Variants in ADAM20 observed in about 807,000 individuals in gnomAD.
The protein encoded by ADAM20 is disintegrin and metalloproteinase domain-containing protein 20.
For missense variants in ADAM20, 871 were observed against 883.2 expected (o/e 0.99, Z 0.18); for synonymous variants, 305 against 310.2 (o/e 0.98, Z 0.18).
chr14:70,578,417 C>T, the ADAM20 span, among the ~76,000 whole-genome samples: 5 of 152,192 alleles, frequency 3.3e-5, no homozygotes, highest in South Asian at 8.3e-4. Context: ...GAAAACTCTT[C>T]TGGACATTGG....
Position 70,530,183 on chromosome 14 carries a change from T to C in ADAM20, c.-177+4614A>G, listed in dbSNP as rs189646049. On this transcript the variant is annotated intron_variant, in intron 1 of 1. Coordinates refer to ENST00000256389, the MANE Select transcript of ADAM20 (RefSeq NM_003814.5). ...TTTCTATTTTTAAAATTATTTTTTC[T>C]TACTTTTAAAATTTTTTGTTAAAAA... Among the ~76,000 whole-genome samples, 56 of 152,340 alleles carry C rather than the reference T, an allele frequency of 3.7e-4. 1 individual carries two copies. The East Asian group carries it at 8.9e-3, about 24-fold the overall frequency.
At chr14:70,549,183 C>T in the ADAM20 span, among the ~76,000 whole-genome samples, 29 of 103,604 alleles carry the variant, frequency 2.8e-4, no homozygotes, top group African/African-American at 1.1e-3. Flanking sequence ...ATAACCGGTA[C>T]CAGCCGCTGC....
chr14:70,529,492 A>G (rs923557813), intron 1 of ADAM20, among the ~76,000 whole-genome samples: 7 of 152,198 alleles, frequency 4.6e-5, no homozygotes, highest in African/African-American at 1.7e-4. Flanking sequence ...GTACTTCTAC[A>G]AACCTAGAAT....
chr14:70,577,461 T>C, the ADAM20 span, among the ~76,000 whole-genome samples: 1 of 152,210 alleles, frequency 6.6e-6, no homozygotes, highest in Admixed American at 6.5e-5. Flanking sequence ...ATTTCCACTG[T>C]CTGCCACAGT....
At chr14:70,569,065 C>T in the ADAM20 span, among the ~76,000 whole-genome samples, 5 of 152,032 alleles carry the variant, frequency 3.3e-5, no homozygotes, top group African/African-American at 1.2e-4. Flanking sequence ...TCCCATCAGA[C>T]TAACAGCAGA....
chr14:70,545,395 T>C, the ADAM20 span, among the ~76,000 whole-genome samples: 51,664 of 152,004 alleles, frequency 0.34, 10,997 homozygotes, highest in African/African-American at 0.59. Context: ...TTCCCTGTCA[T>C]GGCAGAAAGC....
At chr14:70,541,330 G>A in the ADAM20 span, among the ~76,000 whole-genome samples, 1 of 152,194 alleles carries the variant, frequency 6.6e-6, no homozygotes, top group African/African-American at 2.4e-5. Context: ...TTGCAGCTAG[G>A]TAAGACCTAG....
chr14:70,529,310 G>C (rs1187682632), intron 1 of ADAM20, among the ~76,000 whole-genome samples: 2 of 152,252 alleles, frequency 1.3e-5, no homozygotes, highest in Non-Finnish European at 2.9e-5. Flanking sequence ...ACAAATTTAA[G>C]ATTGAAATCA....
At chr14:70,533,707 T>A (rs1021328157) in intron 1 of ADAM20, among the ~76,000 whole-genome samples, 3 of 151,814 alleles carry the variant, frequency 2.0e-5, no homozygotes, top group African/African-American at 7.3e-5. Context: ...CCATGGCACA[T>A]GTATACCTAT....
the ADAM20 span, among the ~76,000 whole-genome samples, chr14:70,558,755 T>C: frequency 9.9e-5 from 15 of 152,106 alleles, no homozygotes; most frequent in African/African-American, 2.7e-4. Context: ...GGAAAAACAT[T>C]TGCCAAATAA....
At chr14:70,553,325 AAAAAAAACTAGTAGCAGAATTG>A in the ADAM20 span, among the ~76,000 whole-genome samples, 1 of 127,282 alleles carries the variant, frequency 7.9e-6, no homozygotes. Context: ...AAAAAAAAAA[AAAAAAAACTAGTAGCAGAATTG>A]AAAAAAAAAA....
the ADAM20 span, among the ~76,000 whole-genome samples, chr14:70,559,159 A>C: frequency 2.6e-4 from 39 of 152,280 alleles, 1 homozygote; most frequent in Admixed American, 1.6e-3. Flanking sequence ...GCATCTGAAA[A>C]TAAATATGTC....
chr14:70,559,954 T>C, the ADAM20 span, among the ~76,000 whole-genome samples: 37 of 152,350 alleles, frequency 2.4e-4, no homozygotes, highest in African/African-American at 8.4e-4. Context: ...ATTGCTCTTG[T>C]GTTAATAATA....
chr14:70,560,618 G>A, the ADAM20 span, among the ~76,000 whole-genome samples: 3 of 152,106 alleles, frequency 2.0e-5, no homozygotes, highest in Admixed American at 6.6e-5. Flanking sequence ...AGGCCTGGTG[G>A]GAGATGATTG....
chr14:70,523,956 T>C lies in ADAM20; in HGVS notation c.802A>G (p.Thr268Ala). ...DIWTASNPLP[T>A]SGDLDNVLED... Reference sequence around the variant, plus strand: ...AAAACATTATCTAGGTCTCCACTGGTAGGAAGTGGATTTGATGCAGTCCAT... The same window carrying C: ...AAAACATTATCTAGGTCTCCACTGGCAGGAAGTGGATTTGATGCAGTCCAT... Residue 268 changes from threonine to alanine, a missense_variant, in exon 2 of 2, where the codon ACC (threonine) becomes GCC (alanine). Transcript: ENST00000256389. 6.2e-7 allele frequency: 1 copy of C among 1,614,006 alleles called. No individual in the cohort carries two copies. Among genetic ancestry groups the C allele is most frequent in the Non-Finnish European group, 8.5e-7 (1 of 1,179,926 alleles).
chr14:70,561,412 T>C, the ADAM20 span, among the ~76,000 whole-genome samples: 1 of 152,242 alleles, frequency 6.6e-6, no homozygotes, highest in Non-Finnish European at 1.5e-5. Context: ...CATAAAAGTT[T>C]AGAAAATTTG....
At position 70,523,605 on chromosome 14, in the gene ADAM20, A is replaced by G. The variant is rs759107358; in HGVS notation, c.1153T>C (p.Trp385Arg). 5.6e-6 allele frequency: 9 copies of G among 1,614,070 alleles called. No individual in the cohort carries two copies. The Admixed American group carries it at 1.3e-4, about 24-fold the overall frequency. ...AATCCACTACTGATAGTACTGTCCC[A>G]ATATTGGGCATAACTGCAGTTGCTA... ...KFSNCSYAQY[W>R]DSTISSGLCI... Residue 385 changes from tryptophan (W) to arginine (R), a missense_variant, in exon 2 of 2, where the codon TGG becomes CGG. Coordinates refer to ENST00000256389, the MANE Select transcript of ADAM20 (RefSeq NM_003814.5).
chr14:70,561,110 C>T, the ADAM20 span, among the ~76,000 whole-genome samples: 1 of 152,158 alleles, frequency 6.6e-6, no homozygotes, highest in African/African-American at 2.4e-5. Flanking sequence ...GTGATATGAA[C>T]TATGAAGTCC....
chr14:70,572,022 A>T, the ADAM20 span, among the ~76,000 whole-genome samples: 33 of 152,238 alleles, frequency 2.2e-4, no homozygotes, highest in African/African-American at 8.0e-4. Flanking sequence ...CATGGATTAG[A>T]AGAATCAATA....
Sources: gnomAD v4.1 joint callset for allele counts (sites outside exome capture counted in the v4.1 genomes callset) on GRCh38, gnomAD v4.1.1 for gene constraint, MANE v1.5 for transcripts, NCBI Gene and HGNC (gene_info 2026-07-23, HGNC 2026-07-21) for gene names.